TESK2: variants seen among roughly 807,000 people sequenced by gnomAD.
The protein encoded by TESK2 is testis associated actin remodelling kinase 2.
A neutral mutation model predicts 57.1 loss-of-function variants in TESK2; 39 were observed. The observed-to-expected ratio is 0.68, with a 90% CI of 0.53 to 0.89. The LOEUF (loss-of-function observed/expected upper bound fraction) is 0.89. TESK2 is among the 40% of genes least tolerant of loss of function. The pLI is 0.00. For synonymous variants in TESK2, 249 were observed against 267.9 expected, an observed-to-expected ratio of 0.93 and a Z score of 0.69; for missense variants, 646 against 732.1, an observed-to-expected ratio of 0.88 and a Z score of 1.36.
intron 1 of TESK2, among the ~76,000 whole-genome samples, chr1:45,489,439 AG>A (rs1335437635): frequency 6.6e-6 from 1 of 152,190 alleles, no homozygotes; most frequent in African/African-American, 2.4e-5. Flanking sequence ...TCCAGGTCCA[AG>A]CTTTCTCCCA....
intron 3 of TESK2, among the ~76,000 whole-genome samples, chr1:45,401,012 C>T (rs1281723430): frequency 7.8e-6 from 1 of 128,916 alleles, no homozygotes; most frequent in Non-Finnish European, 1.6e-5. Context: ...GACAACAGAG[C>T]GAGACTCTGT....
At chr1:45,393,330 T>C (rs1649224432) in intron 3 of TESK2, among the ~76,000 whole-genome samples, 1 of 152,212 alleles carries the variant, frequency 6.6e-6, no homozygotes, top group Non-Finnish European at 1.5e-5. Context: ...CACACAACTC[T>C]ACTTCTACGT....
chr1:45,408,483 C>T (rs1240060421), intron 3 of TESK2, among the ~76,000 whole-genome samples: 1 of 152,086 alleles, frequency 6.6e-6, no homozygotes, highest in Non-Finnish European at 1.5e-5. Context: ...CTTTGGTTCT[C>T]CCCTCCAGGT....
rs201715014 is a variant in TESK2, at chr1:45,345,424, G to T, written c.1132C>A (p.Arg378Ser). 1.8e-5 allele frequency: 29 copies of T among 1,614,038 alleles called. 1 individual carries two copies. The East Asian group carries it at 2.9e-4, about 16-fold the overall frequency. ...TATGGGTCCAAGACACTCACTGTAC[G>T]TGGGGGCTTACGGGAAAAGATATCT... Reference protein sequence around the residue: ...QSDIFSRKPPRTVSVLDPYYR... With the variant: ...QSDIFSRKPPSTVSVLDPYYR... Residue 378 changes from arginine (R) to serine (S), a missense_variant, in exon 11 of 11, where the codon CGT becomes AGT. Physicochemically the swap from Arg to Ser is moderately radical, Grantham distance 110. Transcript: ENST00000372086.
chr1:45,347,774 G>T (rs1371207805), intron 6 of TESK2, 81 bp from the exon 7 acceptor site: 2 of 1,510,408 alleles, frequency 1.3e-6, no homozygotes, highest in East Asian at 4.5e-5. Flanking sequence ...CCACCTCAAG[G>T]ATGGGTACAG....
intron 1 of TESK2, among the ~76,000 whole-genome samples, chr1:45,472,961 C>T (rs1011984387): frequency 3.4e-5 from 5 of 147,666 alleles, no homozygotes; most frequent in African/African-American, 1.3e-4. Context: ...TACGGTGAAA[C>T]CCTGTCTCTA....
intron 4 of TESK2, among the ~76,000 whole-genome samples, chr1:45,360,960 G>C (rs1341760465): frequency 6.6e-6 from 1 of 152,196 alleles, no homozygotes; most frequent in Admixed American, 6.5e-5. Flanking sequence ...TGGGATTACA[G>C]GCTGTGTCAC....
chr1:45,348,551 C>G (rs771508352), intron 5 of TESK2, among the ~76,000 whole-genome samples: 28 of 152,240 alleles, frequency 1.8e-4, no homozygotes, highest in Non-Finnish European at 4.0e-4. Flanking sequence ...TAGCCGCTGT[C>G]CCCCTGTTCC....
At chr1:45,383,464 A>G (rs1315334508) in intron 4 of TESK2, among the ~76,000 whole-genome samples, 3 of 152,210 alleles carry the variant, frequency 2.0e-5, no homozygotes, top group African/African-American at 7.2e-5. Flanking sequence ...AAGACTGGCA[A>G]TAAATACTCT....
chr1:45,396,108 TA>T (rs747432207), intron 3 of TESK2, among the ~76,000 whole-genome samples: 9 of 151,662 alleles, frequency 5.9e-5, no homozygotes, highest in East Asian at 3.9e-4. Flanking sequence ...TATTTTTATT[TA>T]TTTTTATTTA....
At chr1:45,346,878 C>G (rs1647150573) in intron 8 of TESK2, 99 bp from the exon 9 acceptor site, 3 of 1,543,690 alleles carry the variant, frequency 1.9e-6, no homozygotes, top group Non-Finnish European at 8.9e-7. Context: ...CCCTGACAAC[C>G]AGCAACAGAG....
chr1:45,489,135 G>GAAAAAAA (rs34912233), intron 1 of TESK2, among the ~76,000 whole-genome samples: 2 of 134,272 alleles, frequency 1.5e-5, no homozygotes, highest in African/African-American at 5.7e-5. Flanking sequence ...TGACACCAAA[G>GAAAAAAA]AAAAAAAAAA....
chr1:45,377,648 A>G (rs950795756), intron 4 of TESK2, among the ~76,000 whole-genome samples: 3 of 149,572 alleles, frequency 2.0e-5, no homozygotes, highest in African/African-American at 7.3e-5. Context: ...CGAACTCCTG[A>G]CCTCAGGTAA....
intron 1 of TESK2, among the ~76,000 whole-genome samples, 189 bp downstream of exon 1, chr1:45,490,663 A>C (rs574098478): frequency 6.6e-6 from 1 of 152,122 alleles, no homozygotes; most frequent in South Asian, 2.1e-4. Context: ...AGTGAGAAGG[A>C]AAGGGGAAAG....
intron 4 of TESK2, among the ~76,000 whole-genome samples, chr1:45,360,834 T>C (rs953365943): frequency 6.6e-6 from 1 of 152,224 alleles, no homozygotes; most frequent in Non-Finnish European, 1.5e-5. Flanking sequence ...TTTCTTTTTT[T>C]TGAGACGGAG....
chr1:45,380,462 A>T (rs999767634), intron 4 of TESK2, among the ~76,000 whole-genome samples: 10 of 152,138 alleles, frequency 6.6e-5, no homozygotes, highest in African/African-American at 2.4e-4. Context: ...CTTTGAGATG[A>T]CATACAATCT....
At chr1:45,481,819 T>C (rs1463744893) in intron 1 of TESK2, among the ~76,000 whole-genome samples, 2 of 152,326 alleles carry the variant, frequency 1.3e-5, no homozygotes, top group African/African-American at 4.8e-5. Flanking sequence ...ACAAATCTAT[T>C]ATAAAAAGTT....
chr1:45,480,767 C>A (rs1029831336), intron 1 of TESK2, among the ~76,000 whole-genome samples: 4 of 151,542 alleles, frequency 2.6e-5, no homozygotes, highest in Admixed American at 6.6e-5. Flanking sequence ...GTGGGTGGAT[C>A]ACCTGAGGTC....
At chr1:45,386,499 C>T (rs1233489440) in intron 3 of TESK2, among the ~76,000 whole-genome samples, 1 of 151,296 alleles carries the variant, frequency 6.6e-6, no homozygotes, top group Non-Finnish European at 1.5e-5. Context: ...CTTGTACAGC[C>T]CTGTAGACTC....
Sources: gnomAD v4.1 joint callset for allele counts (sites outside exome capture counted in the v4.1 genomes callset) on GRCh38, gnomAD v4.1.1 for gene constraint, MANE v1.5 for transcripts, NCBI Gene and HGNC (gene_info 2026-07-23, HGNC 2026-07-21) for gene names.